The following DPH6 variants were observed in gnomAD, a reference collection of about 807,000 sequenced individuals.
DPH6 encodes the protein diphthamine biosynthesis 6.
Under a neutral mutation model 38.2 loss-of-function variants are expected in DPH6, and 33 were observed. The ratio of observed to expected loss-of-function variants is 0.86; its 90% CI spans 0.65 to 1.15. The LOEUF is 1.15. Among genes scored for constraint, DPH6 ranks in the 50% most tolerant of loss-of-function variants. The pLI is 0.00. For missense variants in DPH6, 325 were observed against 320.0 expected, an observed-to-expected ratio of 1.02 and a Z score of -0.12; for synonymous variants, 108 against 103.0, an observed-to-expected ratio of 1.05 and a Z score of -0.30.
chr15:35,434,587 A>G (rs1449083711), intron 5 of DPH6, among the ~76,000 whole-genome samples: 1 of 152,196 alleles, frequency 6.6e-6, no homozygotes, highest in African/African-American at 2.4e-5. Flanking sequence ...AATGCATCTA[A>G]AAGTATATGC....
intron 3 of DPH6, among the ~76,000 whole-genome samples, chr15:35,528,663 C>G (rs2055041311): frequency 6.6e-6 from 1 of 152,044 alleles, no homozygotes; most frequent in Non-Finnish European, 1.5e-5. Context: ...AGTAGTTCAC[C>G]CTGATGACCA....
chr15:35,303,848 T>C (rs2052070618), intron 3 of DPH6, among the ~76,000 whole-genome samples: 1 of 151,622 alleles, frequency 6.6e-6, no homozygotes, highest in African/African-American at 2.4e-5. Flanking sequence ...TAAAGTAGGA[T>C]TGCAAAAGCT....
downstream of DPH6, among the ~76,000 whole-genome samples, chr15:35,215,835 A>C (rs2051408619): frequency 1.3e-5 from 2 of 152,236 alleles, no homozygotes; most frequent in Admixed American, 6.5e-5. Context: ...GGAGAAGTCA[A>C]GTAAATCACT....
chr15:35,293,741 C>CT (rs2074940740), intron 3 of DPH6, among the ~76,000 whole-genome samples: 1 of 152,166 alleles, frequency 6.6e-6, no homozygotes, highest in Admixed American at 6.5e-5. Flanking sequence ...AGAGGATGCA[C>CT]TGTAAACGCA....
chr15:35,542,566 A>C, intron 1 of DPH6, 59 bp from the exon 2 acceptor site: 1 of 1,419,242 alleles, frequency 7.0e-7, no homozygotes, highest in Non-Finnish European at 9.8e-7. Context: ...TTCAACATAA[A>C]ATCACTAGAT....
At chr15:35,520,659 G>A (rs1283404641) in intron 3 of DPH6, 4 of 984,586 alleles carry the variant, frequency 4.1e-6, no homozygotes, top group Admixed American at 6.2e-5. Context: ...TCTCATTTTG[G>A]TAATTTGAAA....
downstream of DPH6, among the ~76,000 whole-genome samples, chr15:35,329,059 C>T (rs2052307663): frequency 6.6e-6 from 1 of 152,198 alleles, no homozygotes; most frequent in Admixed American, 6.5e-5. Context: ...GGGTCCCTCC[C>T]ACATGGGAAT....
chr15:35,325,765 A>T (rs143004093), intron 3 of DPH6, among the ~76,000 whole-genome samples: 26 of 152,344 alleles, frequency 1.7e-4, no homozygotes, highest in African/African-American at 6.3e-4. Context: ...TGCTCATAAA[A>T]TATACCACTA....
chr15:35,255,056 C>T (rs2051698448), intron 3 of DPH6, among the ~76,000 whole-genome samples: 1 of 152,116 alleles, frequency 6.6e-6, no homozygotes, highest in South Asian at 2.1e-4. Context: ...TGGATGTATA[C>T]GTGCAAGCCA....
chr15:35,444,085 C>T (rs191553010), intron 5 of DPH6, among the ~76,000 whole-genome samples: 70 of 152,290 alleles, frequency 4.6e-4, no homozygotes, highest in African/African-American at 1.2e-3. Flanking sequence ...ATGAGGTCAA[C>T]TAGAATCACA....
At chr15:35,357,002 C>A (rs1448037332) in intron 3 of DPH6, among the ~76,000 whole-genome samples, 3 of 152,212 alleles carry the variant, frequency 2.0e-5, no homozygotes, top group Non-Finnish European at 4.4e-5. Context: ...CTCCCCCAGC[C>A]TCTCTGCCGC....
At chr15:35,370,490 T>C (rs962660048), downstream of DPH6, among the ~76,000 whole-genome samples, 1 of 151,610 alleles carries the variant, frequency 6.6e-6, no homozygotes, top group African/African-American at 2.4e-5. Flanking sequence ...TAAAACTCAA[T>C]AATAAGACAA....
intron 6 of DPH6, among the ~76,000 whole-genome samples, chr15:35,386,273 G>C: frequency 6.6e-6 from 1 of 152,204 alleles, no homozygotes; most frequent in East Asian, 1.9e-4. Context: ...TTGGTTCCAA[G>C]TCTTTGCTAT....
At chr15:35,424,835 T>G (rs1730333181) in intron 5 of DPH6, among the ~76,000 whole-genome samples, 2 of 151,658 alleles carry the variant, frequency 1.3e-5, no homozygotes, top group Admixed American at 1.3e-4. Flanking sequence ...GACTTGAACT[T>G]AATCCTGCTT....
chr15:35,454,171 T>C (rs2053968514), intron 4 of DPH6, among the ~76,000 whole-genome samples: 1 of 152,138 alleles, frequency 6.6e-6, no homozygotes, highest in African/African-American at 2.4e-5. Flanking sequence ...TTTTGGTATG[T>C]GCAGTTACAG....
At chr15:35,214,560 T>C (rs570989344), downstream of DPH6, among the ~76,000 whole-genome samples, 1 of 152,336 alleles carries the variant, frequency 6.6e-6, no homozygotes, top group South Asian at 2.1e-4. Flanking sequence ...TCATGTTCAA[T>C]GTTACCACTA....
At chr15:35,422,543 CCT>C (rs2053519025) in intron 5 of DPH6, among the ~76,000 whole-genome samples, 1 of 151,916 alleles carries the variant, frequency 6.6e-6, no homozygotes, top group African/African-American at 2.4e-5. Context: ...ATACCCATCT[CCT>C]CACACAGTTA....
chr15:35,303,946 G>A (rs974494602), intron 3 of DPH6, among the ~76,000 whole-genome samples: 4 of 151,914 alleles, frequency 2.6e-5, no homozygotes, highest in African/African-American at 9.7e-5. Flanking sequence ...AGCAAAAATG[G>A]TGTAATACTG....
intron 3 of DPH6, among the ~76,000 whole-genome samples, chr15:35,223,795 TTATA>T (rs2051459480): frequency 6.6e-6 from 1 of 152,108 alleles, no homozygotes; most frequent in Non-Finnish European, 1.5e-5. Flanking sequence ...ATAGTTTATA[TTATA>T]GTTTCACCCT....
Sources: gnomAD v4.1 joint callset for allele counts (sites outside exome capture counted in the v4.1 genomes callset) on GRCh38, gnomAD v4.1.1 for gene constraint, MANE v1.5 for transcripts, NCBI Gene and HGNC (gene_info 2026-07-23, HGNC 2026-07-21) for gene names.